The following RIPOR2 variants were observed in gnomAD, a reference collection of about 807,000 sequenced individuals.
The protein encoded by RIPOR2 is RHO family interacting cell polarization regulator 2.
RIPOR2 carries 39 observed loss-of-function variants against 114.5 expected under a neutral mutation model. The observed-to-expected ratio is 0.34, with a 90% CI of 0.26 to 0.44. The LOEUF (loss-of-function observed/expected upper bound fraction) is 0.44, where lower values mean the gene tolerates loss of function less well. RIPOR2 is among the 20% of genes least tolerant of loss of function. The pLI, the probability that RIPOR2 is intolerant of heterozygous loss-of-function variation, is 1.00. For synonymous variants in RIPOR2, 445 were observed against 484.4 expected, an observed-to-expected ratio of 0.92 and a Z score of 1.07; for missense variants, 1,007 against 1,255.1, an observed-to-expected ratio of 0.80 and a Z score of 2.99.
intron 12 of RIPOR2, 133 bp downstream of exon 12, chr6:24,847,892 G>GA: frequency 7.8e-7 from 1 of 1,276,196 alleles, no homozygotes; most frequent in South Asian, 1.5e-5. Context: ...AAGGAGAGAG[G>GA]AAAAACAGAG....
chr6:24,977,643 G>A (rs923463075), intron 1 of RIPOR2, among the ~76,000 whole-genome samples: 2 of 152,132 alleles, frequency 1.3e-5, no homozygotes, highest in Non-Finnish European at 2.9e-5. Context: ...GGAAGGAAAA[G>A]AGCCAGGTCC....
In RIPOR2 at chr6:24,893,425, G is replaced by C. The variant is rs74707002; in HGVS notation, c.62-17608C>G. ...GCACTTTAGGACACAGTGAATGTAAGAATGGGGGACATAGACTGTAGGCAA... is the reference window on the plus strand; with the variant it reads ...GCACTTTAGGACACAGTGAATGTAACAATGGGGGACATAGACTGTAGGCAA... On this transcript the variant is annotated intron_variant, in intron 1 of 21. Transcript: ENST00000643898. Among the ~76,000 whole-genome samples, 25 of 152,332 alleles carry C rather than the reference G, an allele frequency of 1.6e-4. No homozygotes were observed. In the East Asian group the frequency reaches 4.6e-3, roughly 28 times the overall value.
chr6:25,032,615 C>A (rs1050003408), intron 1 of RIPOR2, among the ~76,000 whole-genome samples: 7 of 152,168 alleles, frequency 4.6e-5, no homozygotes, highest in Non-Finnish European at 8.8e-5. Flanking sequence ...TTTAAAATAG[C>A]CCAGTTTCCA....
chr6:24,984,704 CAAT>C (rs1774461215), intron 1 of RIPOR2, among the ~76,000 whole-genome samples: 1 of 151,840 alleles, frequency 6.6e-6, no homozygotes, highest in South Asian at 2.1e-4. Context: ...TCTGGCCCCA[CAAT>C]AAATGCTCAA....
intron 1 of RIPOR2, among the ~76,000 whole-genome samples, chr6:24,889,335 A>G (rs1347591753): frequency 4.5e-4 from 68 of 152,216 alleles, no homozygotes; most frequent in Non-Finnish European, 2.9e-5. Flanking sequence ...ATTTTTGAAT[A>G]AGAAATTCAC....
chr6:24,954,187 G>A (rs1772921650), intron 1 of RIPOR2, among the ~76,000 whole-genome samples: 1 of 152,232 alleles, frequency 6.6e-6, no homozygotes, highest in Non-Finnish European at 1.5e-5. Flanking sequence ...AGAAGCACCT[G>A]AGGATGCTCA....
At chr6:24,966,994 A>G (rs1224086130) in intron 1 of RIPOR2, among the ~76,000 whole-genome samples, 1 of 152,134 alleles carries the variant, frequency 6.6e-6, no homozygotes, top group Non-Finnish European at 1.5e-5. Flanking sequence ...CTTTCTTTCA[A>G]TATCCTGGAG....
intron 11 of RIPOR2, 28 bp from the exon 12 acceptor site, chr6:24,848,182 C>A (rs772756197): frequency 5.0e-6 from 8 of 1,609,784 alleles, no homozygotes; most frequent in Non-Finnish European, 6.8e-6. Context: ...CCCAGGTATG[C>A]ACATTTGGCA....
chr6:24,975,835 A>G (rs1233647165), intron 1 of RIPOR2, among the ~76,000 whole-genome samples: 3 of 152,054 alleles, frequency 2.0e-5, no homozygotes. Flanking sequence ...CCCTAAATAT[A>G]TAAATATATA....
chr6:24,881,604 T>C (rs1766360618), intron 1 of RIPOR2, among the ~76,000 whole-genome samples: 1 of 152,176 alleles, frequency 6.6e-6, no homozygotes. Context: ...ACAATGAAAA[T>C]CACTGCCTTT....
upstream of RIPOR2, among the ~76,000 whole-genome samples, chr6:24,936,999 C>A (rs2114166916): frequency 6.6e-6 from 1 of 152,278 alleles, no homozygotes; most frequent in East Asian, 1.9e-4. Context: ...GTAACTGCAA[C>A]CTTGAAATTG....
intron 1 of RIPOR2, among the ~76,000 whole-genome samples, chr6:24,974,093 C>T (rs767722673): frequency 6.6e-6 from 1 of 152,046 alleles, no homozygotes; most frequent in South Asian, 2.1e-4. Flanking sequence ...CTCGTTGAGT[C>T]TAATAAGTTG....
intron 1 of RIPOR2, among the ~76,000 whole-genome samples, chr6:25,022,708 C>T (rs1219942275): frequency 6.6e-6 from 1 of 151,492 alleles, no homozygotes; most frequent in Non-Finnish European, 1.5e-5. Context: ...ACCACCCCAG[C>T]TAATTTTTTG....
chr6:24,876,915 T>C (rs775639928), intron 1 of RIPOR2: 141 of 955,314 alleles, frequency 1.5e-4, no homozygotes, highest in Middle Eastern at 5.3e-4. Context: ...TAGGTAATTC[T>C]ATTCCTTTTA....
chr6:24,935,966 C>T, upstream of RIPOR2: 1 of 1,197,194 alleles, frequency 8.4e-7, no homozygotes, highest in South Asian at 1.3e-5. Flanking sequence ...ACACTGCCGA[C>T]CGAGGTGATT....
intron 1 of RIPOR2, among the ~76,000 whole-genome samples, chr6:24,949,741 C>T (rs1045359819): frequency 2.6e-5 from 4 of 152,244 alleles, no homozygotes; most frequent in Admixed American, 2.6e-4. Flanking sequence ...GAAGTGGCCC[C>T]TCAGAGATCT....
At chr6:24,914,793 C>A (rs1769942003) in intron 1 of RIPOR2, among the ~76,000 whole-genome samples, 1 of 152,144 alleles carries the variant, frequency 6.6e-6, no homozygotes. Context: ...AAAATGCAAC[C>A]AATTTAATTC....
chr6:24,920,907 A>G (rs1770432412), intron 1 of RIPOR2, among the ~76,000 whole-genome samples: 1 of 152,184 alleles, frequency 6.6e-6, no homozygotes, highest in Non-Finnish European at 1.5e-5. Context: ...TTCAGCCAGT[A>G]TCAGGCCAGG....
chr6:25,002,588 A>T (rs909074801), intron 1 of RIPOR2, among the ~76,000 whole-genome samples: 1 of 152,216 alleles, frequency 6.6e-6, no homozygotes, highest in Non-Finnish European at 1.5e-5. Context: ...CTCCTTACAA[A>T]TACTGAAGGA....
Sources: gnomAD v4.1 joint callset for allele counts (sites outside exome capture counted in the v4.1 genomes callset) on GRCh38, gnomAD v4.1.1 for gene constraint, MANE v1.5 for transcripts, NCBI Gene and HGNC (gene_info 2026-07-23, HGNC 2026-07-21) for gene names.